The following SMG5 variants were observed in gnomAD, a reference collection of about 807,000 sequenced individuals.
SMG5 encodes SMG5 nonsense mediated mRNA decay factor, also known as nonsense-mediated mRNA decay factor SMG5.
In SMG5, 53 loss-of-function variants were observed where a neutral mutation model predicts 122.9. The ratio of observed to expected loss-of-function variants is 0.43; its 90% CI spans 0.35 to 0.54. The LOEUF (loss-of-function observed/expected upper bound fraction) is 0.54. Among genes scored for constraint, SMG5 ranks in the 20% least tolerant of loss-of-function variants. The pLI, the probability that SMG5 is intolerant of heterozygous loss-of-function variation, is 0.01. For missense variants in SMG5, 1,153 were observed against 1,285.6 expected (o/e 0.90, Z 1.58); for synonymous variants, 477 against 490.2 (o/e 0.97, Z 0.35).
intron 16 of SMG5, among the ~76,000 whole-genome samples, chr1:156,254,208 G>A (rs1176112747): frequency 6.6e-6 from 1 of 152,174 alleles, no homozygotes; most frequent in African/African-American, 2.4e-5. Flanking sequence ...CTTGACTACT[G>A]TAACAACCAC....
At chr1:156,277,284 C>CA (rs770305077) in intron 3 of SMG5, 43 bp from the exon 4 acceptor site, 29 of 1,588,844 alleles carry the variant, frequency 1.8e-5, no homozygotes, top group East Asian at 6.8e-5. Context: ...GCAATAAACT[C>CA]AGAGTCGCAC....
Position 156,252,491 on chromosome 1 carries a change from C to T in SMG5, c.2676G>A (p.Leu892=), listed in dbSNP as rs762489693. The T allele has an allele frequency of 6.2e-7, 1 of 1,614,004 alleles. No homozygotes were observed. Among genetic ancestry groups the T allele is most frequent in the Non-Finnish European group, 8.5e-7 (1 of 1,179,988 alleles). ...CTGGGTGTTCCTTCTTCAGCAAATC[C>T]AGGCCATCGATCACTGGTGGGCAAG... is the stretch of plus-strand genomic sequence containing the variant. ...VIIPRTVIDG[L]DLLKKEHPGA... The change falls in exon 19 of 22, where the codon CTG becomes CTA. Residue 892 remains leucine (L), a synonymous_variant. Coordinates refer to ENST00000361813, the MANE Select transcript of SMG5 (RefSeq NM_015327.3).
Position 156,263,488 on chromosome 1 carries a change from A to G in SMG5, c.1938T>C (p.Leu646=). 1 of 1,614,232 alleles carries G rather than the reference A, an allele frequency of 6.2e-7. No homozygotes were observed. Among genetic ancestry groups the G allele is most frequent in the Non-Finnish European group, 8.5e-7 (1 of 1,180,040 alleles). ...CRNERSIQEK[L]QVLMAEGLLP... is the part of the protein sequence containing the mutation. ...GCAGACCTTCGGCCATCAGGACCTG[A>G]AGCTTCTCCTGGATGCTGCGCTCAT... is the stretch of plus-strand genomic sequence containing the variant. Residue 646 remains leucine (L), a synonymous_variant, in exon 13 of 22, where the codon CTT becomes CTC. Coordinates refer to ENST00000361813, the MANE Select transcript of SMG5 (RefSeq NM_015327.3).
upstream of SMG5, chr1:156,282,975 C>T (rs1663041227): frequency 3.8e-6 from 2 of 524,134 alleles, no homozygotes; most frequent in Non-Finnish European, 6.7e-6. Flanking sequence ...CCGGCTTCTC[C>T]AAACCCTTGC....
upstream of SMG5, chr1:156,285,079 C>A: frequency 9.9e-7 from 1 of 1,006,636 alleles, no homozygotes; most frequent in Non-Finnish European, 1.4e-6. Flanking sequence ...CAGAAGGGGC[C>A]AAAACCCATG....
chr1:156,277,796 GCCA>G, intron 3 of SMG5, 126 bp downstream of exon 3: 1 of 1,227,372 alleles, frequency 8.1e-7, no homozygotes, highest in Non-Finnish European at 1.2e-6. Context: ...ACACGCATGA[GCCA>G]CCGTGCCCAG....
rs1398652584 is a variant in SMG5 at position 156,259,167 on chromosome 1, T to C, written c.2284-4A>G. On this transcript the variant is annotated splice_region_variant and splice_polypyrimidine_tract_variant and intron_variant, in intron 15 of 21. Transcript: ENST00000361813. Reference sequence around the variant, plus strand: ...TGCAGCAGATGCGCACCACTGACTGTGGGGAGATACAGGAGCCCAGCGCTG... The same window carrying C: ...TGCAGCAGATGCGCACCACTGACTGCGGGGAGATACAGGAGCCCAGCGCTG... The C allele has an allele frequency of 2.6e-6, 4 of 1,565,118 alleles. No individual in the cohort carries two copies. Among genetic ancestry groups the C allele is most frequent in the East Asian group, 4.6e-5 (2 of 43,784 alleles).
At chr1:156,261,663 G>A (rs1177300547) in intron 13 of SMG5, among the ~76,000 whole-genome samples, 2 of 152,076 alleles carry the variant, frequency 1.3e-5, no homozygotes, top group African/African-American at 2.4e-5. Context: ...CAAGGTAGGC[G>A]GATCACCTGA....
At chr1:156,271,093 G>C (rs1047189674) in intron 7 of SMG5, among the ~76,000 whole-genome samples, 1 of 152,118 alleles carries the variant, frequency 6.6e-6, no homozygotes, top group South Asian at 2.1e-4. Context: ...GAATATATCG[G>C]TATAGGTATA....
chr1:156,251,316 T>A, intron 20 of SMG5, 87 bp downstream of exon 20: 1 of 1,483,658 alleles, frequency 6.7e-7, no homozygotes, highest in East Asian at 2.3e-5. Context: ...CTCAGAATTA[T>A]CCAGCCCTAC....
intron 14 of SMG5, 46 bp from the exon 15 acceptor site, chr1:156,260,672 C>A: frequency 6.9e-7 from 1 of 1,447,280 alleles, no homozygotes; most frequent in African/African-American, 1.5e-5. Flanking sequence ...TGTGGGAACT[C>A]CCAGTCAGAG....
intron 13 of SMG5, 81 bp from the exon 14 acceptor site, chr1:156,261,489 G>A (rs1373820184): frequency 1.7e-6 from 2 of 1,169,778 alleles, no homozygotes; most frequent in African/African-American, 1.5e-5. Flanking sequence ...GCACCACCCT[G>A]AGGGATCTGG....
chr1:156,289,573 C>T, the SMG5 span, among the ~76,000 whole-genome samples: 1 of 152,200 alleles, frequency 6.6e-6, no homozygotes, highest in Admixed American at 6.5e-5. Flanking sequence ...GATTGGGCCA[C>T]TGCACTCCAG....
upstream of SMG5, among the ~76,000 whole-genome samples, chr1:156,287,370 C>G (rs1199853632): frequency 6.6e-6 from 1 of 152,026 alleles, no homozygotes; most frequent in Non-Finnish European, 1.5e-5. Context: ...GAGCCAAGAT[C>G]GCGCCATTGC....
chr1:156,260,568 G>T lies in SMG5; in HGVS notation c.2166C>A (p.Leu722=), dbSNP rs1334316259. 1.3e-6 allele frequency: 2 copies of T among 1,547,222 alleles called. No individual in the cohort carries two copies. The highest frequency in any genetic ancestry group is 2.8e-5 in the African/African-American group (2 of 70,218). ...CCTCTGGGAGCAGAAGGCTAGAGGG[G>T]AGGTCAGGCAGTTCACAACCTTCAA... ...DLLEGCELPD[L]PSSLLLPEDM... Residue 722 remains leucine, a synonymous_variant, in exon 15 of 22, where the codon CTC becomes CTA. Transcript: ENST00000361813.
chr1:156,288,187 G>A, the SMG5 span, among the ~76,000 whole-genome samples: 2 of 137,578 alleles, frequency 1.5e-5, no homozygotes, highest in African/African-American at 5.5e-5. Flanking sequence ...GAAAGAGTGA[G>A]ACTCCGTCTC....
chr1:156,261,456 G>A, intron 13 of SMG5, 48 bp from the exon 14 acceptor site: 1 of 1,509,758 alleles, frequency 6.6e-7, no homozygotes, highest in Admixed American at 1.7e-5. Flanking sequence ...GACAGTGGTG[G>A]AGAACAGCAG....
upstream of SMG5, chr1:156,286,539 G>C (rs1476498553): frequency 6.5e-7 from 1 of 1,535,934 alleles, no homozygotes; most frequent in African/African-American, 1.4e-5. Context: ...GCATCTGAAT[G>C]TCTGGAGAGC....
the SMG5 span, among the ~76,000 whole-genome samples, chr1:156,288,357 A>G: frequency 4.4e-5 from 6 of 135,350 alleles, no homozygotes; most frequent in African/African-American, 1.7e-4. Context: ...TTTTTTTGAG[A>G]TGGTGTCTTA....
Sources: allele counts gnomAD v4.1 joint callset (sites outside exome capture counted in the v4.1 genomes callset), GRCh38; gene constraint gnomAD v4.1.1; transcripts MANE v1.5; gene names NCBI Gene and HGNC (gene_info 2026-07-23, HGNC 2026-07-21).